The following KCNMA1 variants were observed in gnomAD, a reference collection of about 807,000 sequenced individuals.
The protein encoded by KCNMA1 is potassium calcium-activated channel subfamily M alpha 1.
A neutral mutation model predicts 140.0 loss-of-function variants in KCNMA1; 29 were observed. The ratio of observed to expected loss-of-function variants is 0.21; its 90% CI spans 0.15 to 0.28. The LOEUF is 0.28. Ranked by LOEUF, KCNMA1 falls within the 10% of genes least tolerant of loss-of-function variation. KCNMA1 has a pLI of 1.00. For synonymous variants in KCNMA1, 612 were observed against 611.9 expected (o/e 1.00, Z 0.00); for missense variants, 880 against 1,602.2 (o/e 0.55, Z 7.70).
intron 2 of KCNMA1, among the ~76,000 whole-genome samples, chr10:77,356,452 G>A (rs2093486354): frequency 6.6e-6 from 1 of 152,154 alleles, no homozygotes; most frequent in South Asian, 2.1e-4. Flanking sequence ...TCTACAGTTG[G>A]AAAAGTGTGG....
At chr10:77,631,098 C>A (rs1267308935) in intron 1 of KCNMA1, among the ~76,000 whole-genome samples, 1 of 128,104 alleles carries the variant, frequency 7.8e-6, no homozygotes, top group Non-Finnish European at 1.6e-5. Flanking sequence ...CAGAGTGAGA[C>A]CCTGTCCCAA....
At chr10:76,892,031 C>T (rs927841062) in intron 25 of KCNMA1, among the ~76,000 whole-genome samples, 2 of 152,050 alleles carry the variant, frequency 1.3e-5, no homozygotes, top group African/African-American at 4.8e-5. Context: ...TATTGCCTCC[C>T]CCTCCTAAAG....
chr10:77,452,470 G>A (rs1438707805), intron 1 of KCNMA1, among the ~76,000 whole-genome samples: 2 of 152,218 alleles, frequency 1.3e-5, no homozygotes, highest in African/African-American at 4.8e-5. Context: ...TGATGAGGAG[G>A]CGAGGTGATG....
At chr10:76,917,601 C>G (rs1399943423) in intron 23 of KCNMA1, among the ~76,000 whole-genome samples, 8 of 152,158 alleles carry the variant, frequency 5.3e-5, no homozygotes. Context: ...CTGCAACTGA[C>G]AAACTATGGT....
At chr10:77,539,630 C>T (rs915043307) in intron 1 of KCNMA1, among the ~76,000 whole-genome samples, 5 of 152,202 alleles carry the variant, frequency 3.3e-5, no homozygotes, top group Non-Finnish European at 7.3e-5. Context: ...GCAACACAGA[C>T]ACTGAGGAGC....
intron 19 of KCNMA1, among the ~76,000 whole-genome samples, chr10:76,982,524 C>G (rs535820039): frequency 6.6e-6 from 1 of 152,152 alleles, no homozygotes; most frequent in East Asian, 1.9e-4. Flanking sequence ...CAGTTTGAAC[C>G]AAGGCAAGGT....
intron 2 of KCNMA1, among the ~76,000 whole-genome samples, chr10:77,316,242 C>G (rs2080851808): frequency 6.6e-6 from 1 of 152,122 alleles, no homozygotes; most frequent in Admixed American, 6.5e-5. Context: ...AGCTCAGGAG[C>G]CCTGCTGGGC....
chr10:76,907,444 C>T (rs1049591378), intron 25 of KCNMA1, among the ~76,000 whole-genome samples: 2 of 152,182 alleles, frequency 1.3e-5, no homozygotes, highest in Admixed American at 6.5e-5. Flanking sequence ...GTGCTCAAAC[C>T]GATTTTATTC....
chr10:77,572,569 C>CTATCTATATATATATATATAT (rs2071879711), intron 1 of KCNMA1, among the ~76,000 whole-genome samples: 1 of 37,568 alleles, frequency 2.7e-5, no homozygotes, highest in African/African-American at 1.1e-4. Flanking sequence ...AAAAAAAATC[C>CTATCTATATATATATATATAT]ATATATATAT....
intron 13 of KCNMA1, among the ~76,000 whole-genome samples, chr10:77,075,271 T>C (rs1555205609): frequency 6.6e-6 from 1 of 152,226 alleles, no homozygotes; most frequent in African/African-American, 2.4e-5. Flanking sequence ...TGGCTTCAGA[T>C]GGCCACTTTC....
intron 1 of KCNMA1, among the ~76,000 whole-genome samples, chr10:77,411,349 A>T (rs1270035563): frequency 6.6e-6 from 1 of 152,198 alleles, no homozygotes; most frequent in Non-Finnish European, 1.5e-5. Flanking sequence ...ATGGAAAGTC[A>T]GTTCTTACCA....
At chr10:77,512,297 T>C (rs975717624) in intron 1 of KCNMA1, among the ~76,000 whole-genome samples, 1 of 152,184 alleles carries the variant, frequency 6.6e-6, no homozygotes, top group Non-Finnish European at 1.5e-5. Flanking sequence ...CCCTTATCCA[T>C]AGTTTCACTT....
chr10:76,955,467 C>T lies in KCNMA1; in HGVS notation c.2361-1543G>A, dbSNP rs184392603. 7.6e-4 allele frequency among the ~76,000 whole-genome samples: 116 copies of T among 152,252 alleles called. 1 individual carries two copies. The highest frequency in any genetic ancestry group is 3.7e-3 in the Admixed American group (56 of 15,282). On this transcript the variant is annotated intron_variant, in intron 20 of 27. Coordinates refer to ENST00000286628, the MANE Select transcript of KCNMA1 (RefSeq NM_001161352.2). ...CCTGAGAATTTGCTTTTAGACTACACCAAATGACAAATACTATGTGAAGCC... is the reference window on the plus strand; with the variant it reads ...CCTGAGAATTTGCTTTTAGACTACATCAAATGACAAATACTATGTGAAGCC...
intron 2 of KCNMA1, among the ~76,000 whole-genome samples, chr10:77,384,466 G>A (rs991911863): frequency 6.6e-6 from 1 of 152,176 alleles, no homozygotes; most frequent in Admixed American, 6.5e-5. Context: ...TGTACTTATG[G>A]AAACCTTCCA....
intron 1 of KCNMA1, among the ~76,000 whole-genome samples, chr10:77,453,108 G>A (rs1442508194): frequency 6.6e-6 from 1 of 152,146 alleles, no homozygotes; most frequent in Non-Finnish European, 1.5e-5. Flanking sequence ...AAACGTTTCA[G>A]GTTAACTTCA....
chr10:77,395,093 TC>T (rs2095995113), intron 2 of KCNMA1, among the ~76,000 whole-genome samples: 1 of 152,152 alleles, frequency 6.6e-6, no homozygotes, highest in African/African-American at 2.4e-5. Flanking sequence ...ACATCTGTAA[TC>T]CCAGCACTTT....
intron 29 of KCNMA1, among the ~76,000 whole-genome samples, chr10:76,879,122 T>C (rs2033459745): frequency 6.6e-6 from 1 of 152,052 alleles, no homozygotes; most frequent in Non-Finnish European, 1.5e-5. Context: ...ATGTGCATGT[T>C]TGGCTAATGA....
intron 2 of KCNMA1, among the ~76,000 whole-genome samples, chr10:77,383,030 T>TATATA (rs1566451029): frequency 7.1e-4 from 73 of 102,912 alleles, no homozygotes; most frequent in African/African-American, 2.6e-3. Flanking sequence ...ATATATATAT[T>TATATA]CCAAGTGGAG....
intron 26 of KCNMA1, among the ~76,000 whole-genome samples, chr10:76,890,934 C>T (rs2039753008): frequency 6.6e-6 from 1 of 152,186 alleles, no homozygotes; most frequent in African/African-American, 2.4e-5. Context: ...GTTTGTTTGG[C>T]CGGTGGTTCT....
Sources: allele counts gnomAD v4.1 joint callset (sites outside exome capture counted in the v4.1 genomes callset), GRCh38; gene constraint gnomAD v4.1.1; transcripts MANE v1.5; gene names NCBI Gene and HGNC (gene_info 2026-07-23, HGNC 2026-07-21).